EPS15L1: variants seen among roughly 807,000 people sequenced by gnomAD.
EPS15L1 encodes epidermal growth factor receptor pathway substrate 15 like 1.
In EPS15L1, 43 loss-of-function variants were observed where a neutral mutation model predicts 117.1. That is an observed-to-expected ratio of 0.37 (90% CI 0.29 to 0.47). The LOEUF (loss-of-function observed/expected upper bound fraction) is 0.47, where lower values mean the gene tolerates loss of function less well. EPS15L1 is among the 20% of genes least tolerant of loss of function. EPS15L1 has a pLI of 0.99. For missense variants in EPS15L1, 981 were observed against 1,164.0 expected (o/e 0.84, Z 2.29); for synonymous variants, 459 against 470.5 (o/e 0.98, Z 0.32).
At chr19:16,380,884 G>T (rs1160766325) in intron 21 of EPS15L1, among the ~76,000 whole-genome samples, 2 of 152,196 alleles carry the variant, frequency 1.3e-5, no homozygotes, top group Admixed American at 6.5e-5. Context: ...CATCGATCTG[G>T]GCTATTTGCG....
intron 1 of EPS15L1, among the ~76,000 whole-genome samples, chr19:16,470,911 A>T (rs1031062114): frequency 6.6e-6 from 1 of 152,168 alleles, no homozygotes; most frequent in Non-Finnish European, 1.5e-5. Context: ...TAATCCCAAC[A>T]CATTTTTATA....
chr19:16,424,216 A>G lies in EPS15L1; in HGVS notation c.792+867T>C, dbSNP rs544689271. Among the ~76,000 whole-genome samples the G allele has an allele frequency of 3.3e-5, 5 of 152,232 alleles. No homozygotes were observed. In the East Asian group the frequency reaches 9.7e-4, roughly 29 times the overall value. ...AGACAAGAGCATTGCTGGCCTGGAG[A>G]TGAGGAAGTTGGAGTAGGGGGAGCA... On this transcript the variant is annotated intron_variant, in intron 9 of 23. Transcript: ENST00000455140.
At position 16,471,785 on chromosome 19, in the gene EPS15L1, C is replaced by T; in HGVS notation, c.33+128G>A. On this transcript the variant is annotated intron_variant, in intron 1 of 23. Coordinates refer to ENST00000455140, the MANE Select transcript of EPS15L1 (RefSeq NM_001258374.3). This position sits in a 1 kb window ranked among gnomAD's most constrained non-coding sequence, Gnocchi z 4.8. ...TCAGGGCCGCCTGCCCACCCGCCCG[C>T]CGCAAGCCCTTCAGCACGCGCCGCC... 1 of 345,572 alleles carries T rather than the reference C, an allele frequency of 2.9e-6. No homozygotes were observed. The allele number at this position is 345,572 out of a possible 1,614,324, so 21.4% of individuals were successfully genotyped here.
chr19:16,397,203 C>T (rs905758758), intron 16 of EPS15L1, among the ~76,000 whole-genome samples: 7 of 152,050 alleles, frequency 4.6e-5, no homozygotes, highest in Admixed American at 3.9e-4. Context: ...GATTCTCCTG[C>T]CTCAGCCTCC....
chr19:16,457,942 C>T (rs1333648733), intron 1 of EPS15L1, among the ~76,000 whole-genome samples: 5 of 152,018 alleles, frequency 3.3e-5, no homozygotes, highest in African/African-American at 1.2e-4. Context: ...CCACCGCCTC[C>T]CACAAGGGCC....
intron 19 of EPS15L1, among the ~76,000 whole-genome samples, chr19:16,387,690 C>A (rs189039659): frequency 1.1e-4 from 16 of 152,136 alleles, no homozygotes; most frequent in Non-Finnish European, 1.9e-4. Flanking sequence ...GGCTTGAACC[C>A]AGGAGGTGGA....
chr19:16,419,640 C>A (rs1353211520), intron 10 of EPS15L1, among the ~76,000 whole-genome samples: 3 of 152,230 alleles, frequency 2.0e-5, no homozygotes, highest in African/African-American at 4.8e-5. Context: ...GAAGTTTCCC[C>A]TTTTACCAAA....
At chr19:16,390,335 AC>A (rs1438021339) in intron 19 of EPS15L1, among the ~76,000 whole-genome samples, 1 of 152,212 alleles carries the variant, frequency 6.6e-6, no homozygotes, top group Admixed American at 6.5e-5. Flanking sequence ...ACACCTATGC[AC>A]CTGACAAAGC....
chr19:16,417,498 T>C (rs750112735), intron 12 of EPS15L1, 54 bp downstream of exon 12: 16 of 1,441,298 alleles, frequency 1.1e-5, no homozygotes, highest in East Asian at 2.3e-5. Flanking sequence ...GATAACAACC[T>C]GGGAGAGTTC....
rs1472684257 is a variant in EPS15L1, at chr19:16,437,038, G to C, written c.310-39C>G. ...GAAACATTCCTTTGTGGCTGGCACA[G>C]AATTAAATCATAGGTGGGTGGGTTT... is the stretch of plus-strand genomic sequence containing the variant. On this transcript the variant is annotated intron_variant, in intron 5 of 23. Transcript: ENST00000455140. 3 of 1,583,516 alleles carry C rather than the reference G, an allele frequency of 1.9e-6. No homozygotes were observed. The South Asian group carries it at 3.3e-5, about 18-fold the overall frequency.
At chr19:16,421,812 C>A (rs2092816646) in intron 9 of EPS15L1, among the ~76,000 whole-genome samples, 1 of 152,114 alleles carries the variant, frequency 6.6e-6, no homozygotes, top group Non-Finnish European at 1.5e-5. Flanking sequence ...CCAGGAAAGA[C>A]CCTCCCGAGC....
Position 16,425,420 on chromosome 19 carries a change from C to G in EPS15L1, c.559-104G>C. The stretch of plus-strand genomic sequence containing the variant: ...TTGGGGGCTGCAGTGACAGGACACT[C>G]TGTCAGGACGCTCCCAAGCTGACCA... On this transcript the variant is annotated intron_variant, in intron 8 of 23. Transcript: ENST00000455140. 3.9e-6 allele frequency: 3 copies of G among 768,592 alleles called. No individual in the cohort carries two copies. In the South Asian group the frequency reaches 4.5e-5, roughly 11 times the overall value. The allele number at this position is 768,592 out of a possible 1,614,324, so 47.6% of individuals were successfully genotyped here.
chr19:16,437,037 A>C lies in EPS15L1; in HGVS notation c.310-38T>G, dbSNP rs749909323. On this transcript the variant is annotated intron_variant, in intron 5 of 23. Coordinates refer to ENST00000455140, the MANE Select transcript of EPS15L1 (RefSeq NM_001258374.3). ...AGAAACATTCCTTTGTGGCTGGCAC[A>C]GAATTAAATCATAGGTGGGTGGGTT... 18 of 1,589,314 alleles carry C rather than the reference A, an allele frequency of 1.1e-5. No homozygotes were observed. The African/African-American group carries it at 2.2e-4, about 19-fold the overall frequency.
chr19:16,432,161 C>T (rs1368904005), intron 7 of EPS15L1, among the ~76,000 whole-genome samples: 1 of 152,132 alleles, frequency 6.6e-6, no homozygotes, highest in Non-Finnish European at 1.5e-5. Flanking sequence ...TGGCCAGGCA[C>T]GGTGGCTCAC....
intron 1 of EPS15L1, among the ~76,000 whole-genome samples, chr19:16,470,490 A>C (rs2093338893): frequency 6.8e-6 from 1 of 147,028 alleles, no homozygotes. Context: ...TTTTCCCCCG[A>C]CTCCCGCCTT....
intron 22 of EPS15L1, among the ~76,000 whole-genome samples, chr19:16,363,265 G>A (rs1428712996): frequency 6.6e-6 from 1 of 152,144 alleles, no homozygotes; most frequent in Non-Finnish European, 1.5e-5. Context: ...CGATTCCGGC[G>A]TGTTAACTCT....
intron 9 of EPS15L1, among the ~76,000 whole-genome samples, chr19:16,424,484 C>T (rs2092849226): frequency 6.6e-6 from 1 of 151,896 alleles, no homozygotes; most frequent in African/African-American, 2.4e-5. Context: ...AAGTACCTCC[C>T]CTAACCTGAC....
At chr19:16,366,792 G>C (rs756173967) in intron 22 of EPS15L1, among the ~76,000 whole-genome samples, 2 of 152,134 alleles carry the variant, frequency 1.3e-5, no homozygotes, top group Non-Finnish European at 2.9e-5. Context: ...AAAGCCCCCG[G>C]CATCACTGTA....
At chr19:16,448,334 C>T (rs1389896166) in intron 1 of EPS15L1, among the ~76,000 whole-genome samples, 1 of 151,570 alleles carries the variant, frequency 6.6e-6, no homozygotes, top group African/African-American at 2.4e-5. Context: ...AGTTCAAGAC[C>T]AGTCTGACCT....
Sources: allele counts gnomAD v4.1 joint callset (sites outside exome capture counted in the v4.1 genomes callset), GRCh38; gene constraint gnomAD v4.1.1; non-coding constraint Gnocchi (gnomAD v3.1); transcripts MANE v1.5; gene names NCBI Gene and HGNC (gene_info 2026-07-23, HGNC 2026-07-21).